The following CA10 variants were observed in gnomAD, a reference collection of about 807,000 sequenced individuals.
CA10 encodes the protein carbonic anhydrase-related protein 10.
A neutral mutation model predicts 44.2 loss-of-function variants in CA10; 14 were observed. The observed-to-expected ratio is 0.32, with a 90% CI of 0.21 to 0.50. CA10 has a LOEUF of 0.50. Among genes scored for constraint, CA10 ranks in the 20% least tolerant of loss-of-function variants. The pLI, the probability that CA10 is intolerant of heterozygous loss-of-function variation, is 0.99. For missense variants in CA10, 350 were observed against 409.7 expected (o/e 0.85, Z 1.26); for synonymous variants, 159 against 141.6 (o/e 1.12, Z -0.87).
intron 3 of CA10, among the ~76,000 whole-genome samples, chr17:51,879,764 A>G (rs535800870): frequency 6.6e-6 from 1 of 152,322 alleles, no homozygotes; most frequent in Admixed American, 6.5e-5. Context: ...ATGAAATGCA[A>G]AAAGTCCCCT....
At chr17:51,806,782 A>T (rs1221514135) in intron 3 of CA10, among the ~76,000 whole-genome samples, 2 of 152,246 alleles carry the variant, frequency 1.3e-5, no homozygotes, top group Non-Finnish European at 2.9e-5. Context: ...AGCACAAGGA[A>T]TATAATGTGT....
intron 3 of CA10, among the ~76,000 whole-genome samples, chr17:51,751,126 T>G (rs921737525): frequency 6.6e-6 from 1 of 152,338 alleles, no homozygotes; most frequent in Non-Finnish European, 1.5e-5. Flanking sequence ...ATAAGGCATA[T>G]TGAAACAAAT....
chr17:52,018,218 C>A (rs1986028869), intron 2 of CA10, among the ~76,000 whole-genome samples: 1 of 152,144 alleles, frequency 6.6e-6, no homozygotes, highest in Admixed American at 6.5e-5. Context: ...CCCACCAGCA[C>A]ACTGCCTAGT....
chr17:52,126,326 G>A (rs1349126852), intron 1 of CA10, among the ~76,000 whole-genome samples: 1 of 152,106 alleles, frequency 6.6e-6, no homozygotes, highest in Non-Finnish European at 1.5e-5. Flanking sequence ...TGCCTTTATT[G>A]TTATTATTTT....
At chr17:52,098,752 T>A (rs901899661) in intron 1 of CA10, among the ~76,000 whole-genome samples, 1 of 152,194 alleles carries the variant, frequency 6.6e-6, no homozygotes, top group Non-Finnish European at 1.5e-5. Flanking sequence ...AGAGAAGGTA[T>A]ACCTAGCATG....
At chr17:51,714,612 A>G (rs977718861) in intron 4 of CA10, among the ~76,000 whole-genome samples, 1 of 152,126 alleles carries the variant, frequency 6.6e-6, no homozygotes, top group African/African-American at 2.4e-5. Flanking sequence ...AACATGGGAG[A>G]TATGACTGAG....
At chr17:52,019,127 T>C (rs1986059157) in intron 2 of CA10, among the ~76,000 whole-genome samples, 1 of 152,060 alleles carries the variant, frequency 6.6e-6, no homozygotes, top group Non-Finnish European at 1.5e-5. Flanking sequence ...ATGAGACAAA[T>C]AAACCTCTTT....
chr17:51,784,367 G>C (rs1443302374), intron 3 of CA10, among the ~76,000 whole-genome samples: 2 of 152,324 alleles, frequency 1.3e-5, no homozygotes, highest in East Asian at 3.9e-4. Flanking sequence ...ATGGAAGGCA[G>C]TTATGCCTGG....
intron 2 of CA10, 130 bp from the exon 3 acceptor site, chr17:51,931,262 T>C (rs1982648034): frequency 3.6e-6 from 3 of 825,554 alleles, no homozygotes; most frequent in Admixed American, 2.6e-5. Context: ...ATGGAGATCC[T>C]TGGGGGTTGC....
intron 2 of CA10, among the ~76,000 whole-genome samples, chr17:52,056,135 A>G (rs1987223211): frequency 1.3e-5 from 2 of 152,064 alleles, no homozygotes; most frequent in African/African-American, 4.8e-5. Flanking sequence ...AAGAGCAGGC[A>G]CAGCGGGCTG....
At chr17:52,010,481 G>A (rs959058369) in intron 2 of CA10, among the ~76,000 whole-genome samples, 4 of 151,924 alleles carry the variant, frequency 2.6e-5, no homozygotes, top group African/African-American at 7.2e-5. Context: ...CAGCAACCTG[G>A]ATGGAAGTGG....
At chr17:51,979,213 A>G (rs1851679258) in intron 2 of CA10, among the ~76,000 whole-genome samples, 1 of 152,206 alleles carries the variant, frequency 6.6e-6, no homozygotes, top group African/African-American at 2.4e-5. Context: ...CTTATGACAC[A>G]GCCTTAATGA....
At chr17:51,685,991 G>C (rs201114141) in intron 4 of CA10, among the ~76,000 whole-genome samples, 6 of 151,490 alleles carry the variant, frequency 4.0e-5, no homozygotes, top group African/African-American at 1.2e-4. Flanking sequence ...GGGCTAACAC[G>C]GTTTGGCTGT....
chr17:52,060,855 G>C (rs570687257), intron 2 of CA10, among the ~76,000 whole-genome samples: 1 of 152,102 alleles, frequency 6.6e-6, no homozygotes, highest in East Asian at 1.9e-4. Flanking sequence ...CTGCTTCTAC[G>C]TTGACCTGCA....
intron 3 of CA10, among the ~76,000 whole-genome samples, chr17:51,820,392 T>C: frequency 8.7e-6 from 1 of 115,304 alleles, no homozygotes; most frequent in Non-Finnish European, 1.7e-5. Flanking sequence ...TTTATAAACC[T>C]GGGGATTCCC....
At chr17:52,067,302 T>C (rs1987563089) in intron 2 of CA10, among the ~76,000 whole-genome samples, 1 of 152,210 alleles carries the variant, frequency 6.6e-6, no homozygotes, top group South Asian at 2.1e-4. Flanking sequence ...TGCTGTTGCT[T>C]CAAAGGGTGC....
At chr17:52,011,438 A>G (rs1047159383) in intron 2 of CA10, among the ~76,000 whole-genome samples, 6 of 152,146 alleles carry the variant, frequency 3.9e-5, no homozygotes, top group African/African-American at 1.4e-4. Flanking sequence ...TTGGGCATTA[A>G]TCTTTTCTAA....
chr17:52,039,269 T>TA (rs2144188085), intron 2 of CA10, among the ~76,000 whole-genome samples: 1 of 151,630 alleles, frequency 6.6e-6, no homozygotes, highest in South Asian at 2.1e-4. Context: ...CCTCTAAATA[T>TA]TAGATTAAGT....
At chr17:52,104,028 G>T (rs552201712) in intron 1 of CA10, among the ~76,000 whole-genome samples, 1 of 152,150 alleles carries the variant, frequency 6.6e-6, no homozygotes, top group Non-Finnish European at 1.5e-5. Context: ...TTCCATTTGC[G>T]ATCCATAAAA....
Sources: allele counts gnomAD v4.1 joint callset (sites outside exome capture counted in the v4.1 genomes callset), GRCh38; gene constraint gnomAD v4.1.1; transcripts MANE v1.5; gene names NCBI Gene and HGNC (gene_info 2026-07-23, HGNC 2026-07-21).